The following GPALPP1 variants were observed in gnomAD, a reference collection of about 807,000 sequenced individuals.
GPALPP1 encodes GPALPP motifs-containing protein 1.
GPALPP1 carries 30 observed loss-of-function variants against 38.9 expected under a neutral mutation model. That is an observed-to-expected ratio of 0.77 (90% CI 0.58 to 1.05). The LOEUF (loss-of-function observed/expected upper bound fraction) is 1.05, where lower values mean the gene tolerates loss of function less well. Ranked by LOEUF, GPALPP1 falls within the 50% of genes least tolerant of loss-of-function variation. The pLI is 0.00. For synonymous variants in GPALPP1, 120 were observed against 139.2 expected (o/e 0.86, Z 0.97); for missense variants, 384 against 408.8 (o/e 0.94, Z 0.52).
At chr13:45,027,204 G>A (rs1434637676) in intron 7 of GPALPP1, among the ~76,000 whole-genome samples, 1 of 152,034 alleles carries the variant, frequency 6.6e-6, no homozygotes, top group Non-Finnish European at 1.5e-5. Flanking sequence ...TCAGTGGTCT[G>A]TAGTCAATCC....
chr13:44,994,321 G>A (rs1157396402), intron 1 of GPALPP1, among the ~76,000 whole-genome samples: 2 of 151,458 alleles, frequency 1.3e-5, no homozygotes, highest in African/African-American at 2.4e-5. Context: ...GGTGGCTCAC[G>A]CCTGTAATCC....
intron 7 of GPALPP1, among the ~76,000 whole-genome samples, chr13:45,027,373 T>C (rs1432387759): frequency 6.6e-6 from 1 of 152,218 alleles, no homozygotes; most frequent in South Asian, 2.1e-4. Flanking sequence ...TCTTAGCTTA[T>C]GGAACATGCC....
chr13:44,996,784 CT>C (rs770919969), intron 1 of GPALPP1, among the ~76,000 whole-genome samples: 149 of 80,406 alleles, frequency 1.9e-3, no homozygotes, highest in African/African-American at 8.5e-3. Context: ...TGCCCAGCCT[CT>C]TTTTTTTTTT....
chr13:45,031,812 G>T (rs1475598716), downstream of GPALPP1: 2 of 152,112 alleles, frequency 1.3e-5, no homozygotes, highest in East Asian at 3.8e-4. Flanking sequence ...GATGCAAAAG[G>T]CCTAATTGAA....
exon 8 of GPALPP1, chr13:45,036,195 T>C (rs139463206): frequency 2.0e-4 from 30 of 152,350 alleles, no homozygotes; most frequent in East Asian, 7.7e-4. Flanking sequence ...CTTGAGTGAA[T>C]GCCTAAAAGC....
At chr13:45,013,757 C>T (rs79198003) in intron 4 of GPALPP1, among the ~76,000 whole-genome samples, 1 of 152,066 alleles carries the variant, frequency 6.6e-6, no homozygotes, top group Non-Finnish European at 1.5e-5. Context: ...AAATAACATG[C>T]CTGAAGTCAC....
chr13:44,993,363 C>T (rs985743297), intron 1 of GPALPP1, among the ~76,000 whole-genome samples: 1 of 152,094 alleles, frequency 6.6e-6, no homozygotes. Context: ...AGGCCGGGCA[C>T]GGTGACTCAC....
intron 3 of GPALPP1, among the ~76,000 whole-genome samples, chr13:45,006,558 C>T (rs906651340): frequency 6.6e-5 from 10 of 152,114 alleles, no homozygotes; most frequent in Admixed American, 1.3e-4. Context: ...TTGTGGTAAA[C>T]GAGGTGGATC....
intron 7 of GPALPP1, among the ~76,000 whole-genome samples, chr13:45,021,835 T>A (rs1422686582): frequency 2.6e-5 from 4 of 152,190 alleles, no homozygotes; most frequent in Non-Finnish European, 5.9e-5. Flanking sequence ...AAAAGACCAA[T>A]GGCTAAAGAT....
chr13:45,022,744 T>C (rs1875515867), intron 7 of GPALPP1, among the ~76,000 whole-genome samples: 1 of 152,160 alleles, frequency 6.6e-6, no homozygotes, highest in South Asian at 2.1e-4. Context: ...AAAAATTAAT[T>C]GCTCTTGGCC....
At position 45,028,867 on chromosome 13, in the gene GPALPP1, T is replaced by A. The variant is rs1876027595; in HGVS notation, c.*864T>A. The A allele has an allele frequency of 6.6e-6, 1 of 151,840 alleles. No individual in the cohort carries two copies. Among genetic ancestry groups the A allele is most frequent in the African/African-American group, 2.4e-5 (1 of 41,336 alleles). The allele number at this position is 151,840 out of a possible 1,614,324, so 9.4% of individuals were successfully genotyped here. Reference sequence around the variant, plus strand: ...GAGTTCGAGACCAGCCTGAACAACATGGTGAAACCCCATCTCTATTAAAAA... The same window carrying A: ...GAGTTCGAGACCAGCCTGAACAACAAGGTGAAACCCCATCTCTATTAAAAA... On this transcript the variant is annotated 3_prime_UTR_variant, in exon 8 of 8. Transcript: ENST00000379151.
intron 3 of GPALPP1, among the ~76,000 whole-genome samples, chr13:45,007,260 A>G (rs1335690883): frequency 6.6e-6 from 1 of 152,184 alleles, no homozygotes; most frequent in Non-Finnish European, 1.5e-5. Context: ...CTTTTAAGAA[A>G]ACATATTACT....
At chr13:45,015,657 A>G in intron 6 of GPALPP1, 61 bp downstream of exon 6, 1 of 1,138,654 alleles carries the variant, frequency 8.8e-7, no homozygotes, top group Non-Finnish European at 1.2e-6. Context: ...TTTTGAAAAG[A>G]TATAATGCAA....
At chr13:45,031,612 T>C (rs13829), downstream of GPALPP1, 1 of 152,194 alleles carries the variant, frequency 6.6e-6, no homozygotes, top group South Asian at 2.1e-4. Context: ...ACTACCTTAC[T>C]GGCCTTGGAG....
chr13:45,008,044 G>A (rs1874221592), intron 3 of GPALPP1, among the ~76,000 whole-genome samples: 1 of 152,174 alleles, frequency 6.6e-6, no homozygotes, highest in Admixed American at 6.6e-5. Context: ...GTAGACCAGG[G>A]TTTAAACTCT....
intron 4 of GPALPP1, among the ~76,000 whole-genome samples, chr13:45,011,982 G>A (rs1874515019): frequency 1.3e-5 from 2 of 152,130 alleles, no homozygotes; most frequent in Admixed American, 6.5e-5. Context: ...TTAAAACACA[G>A]CAAAGCTCAA....
intron 4 of GPALPP1, among the ~76,000 whole-genome samples, chr13:45,011,790 T>TG (rs1395923341): frequency 6.6e-6 from 1 of 152,180 alleles, no homozygotes; most frequent in Non-Finnish European, 1.5e-5. Context: ...ATGGATGCCA[T>TG]GAGTGTAACT....
intron 1 of GPALPP1, chr13:45,002,472 A>C (rs761830596): frequency 4.6e-5 from 7 of 152,312 alleles, no homozygotes; most frequent in Non-Finnish European, 1.0e-4. Flanking sequence ...AGAAAAGGGA[A>C]AGGGAAAGAG....
intron 7 of GPALPP1, among the ~76,000 whole-genome samples, chr13:45,023,191 T>C (rs1431630604): frequency 6.6e-6 from 1 of 152,218 alleles, no homozygotes; most frequent in East Asian, 1.9e-4. Context: ...GGCTTTCAGC[T>C]TTTGATTTTC....
Sources: allele counts gnomAD v4.1 joint callset (sites outside exome capture counted in the v4.1 genomes callset), GRCh38; gene constraint gnomAD v4.1.1; transcripts MANE v1.5; gene names NCBI Gene and HGNC (gene_info 2026-07-23, HGNC 2026-07-21).